The following PPP2R5C variants were observed in gnomAD, a reference collection of about 807,000 sequenced individuals.
PPP2R5C encodes the protein protein phosphatase 2 regulatory subunit B'gamma, also known as serine/threonine-protein phosphatase 2A 56 kDa regulatory subunit gamma isoform.
Under a neutral mutation model 68.9 loss-of-function variants are expected in PPP2R5C, and 7 were observed. The observed-to-expected ratio is 0.10, with a 90% CI of 0.06 to 0.19. The LOEUF (loss-of-function observed/expected upper bound fraction) is 0.19. PPP2R5C is among the 10% of genes least tolerant of loss of function. PPP2R5C has a pLI of 1.00. For missense variants in PPP2R5C, 348 were observed against 641.3 expected, an observed-to-expected ratio of 0.54 and a Z score of 4.94; for synonymous variants, 210 against 222.2, an observed-to-expected ratio of 0.95 and a Z score of 0.49.
chr14:101,897,565 C>T (rs2045417858), intron 8 of PPP2R5C, among the ~76,000 whole-genome samples: 1 of 152,058 alleles, frequency 6.6e-6, no homozygotes, highest in Non-Finnish European at 1.5e-5. Flanking sequence ...AAGATGCAGG[C>T]TGGGAGGCTA....
rs2041041079 is a variant in PPP2R5C, at chr14:101,835,705, TC to T, written c.95-20978del. Among the ~76,000 whole-genome samples the T allele has an allele frequency of 6.6e-6, 1 of 152,242 alleles. No individual in the cohort carries two copies. Among genetic ancestry groups the T allele is most frequent in the Admixed American group, 6.5e-5 (1 of 15,294 alleles). ...AGCAGGAACGGTGAGACCACTCTTC[TC>T]CCTGTAAGGGACCAGTAGCATGTGT... On this transcript the variant is annotated intron_variant, in intron 1 of 13. Transcript: ENST00000334743. The surrounding 1 kb of genome is among the most constrained non-coding windows in gnomAD (Gnocchi z 5.0).
intron 1 of PPP2R5C, chr14:101,819,216 G>C (rs2039899960): frequency 1.3e-6 from 1 of 756,408 alleles, no homozygotes; most frequent in Non-Finnish European, 2.2e-6. Flanking sequence ...TTCTCAAAGG[G>C]GGGTAGCACT....
chr14:101,839,126 G>A (rs1230061157), intron 1 of PPP2R5C: 1 of 151,626 alleles, frequency 6.6e-6, no homozygotes, highest in African/African-American at 2.4e-5. Flanking sequence ...TGAGGCAGGT[G>A]GATCATCTGA....
intron 10 of PPP2R5C, among the ~76,000 whole-genome samples, chr14:101,908,842 G>A (rs1291798787): frequency 6.6e-6 from 1 of 152,188 alleles, no homozygotes; most frequent in East Asian, 1.9e-4. Context: ...TGTTTTCTAA[G>A]TACAACTTGG....
intron 13 of PPP2R5C, chr14:101,922,166 T>C: frequency 1.0e-6 from 1 of 985,350 alleles, no homozygotes; most frequent in Non-Finnish European, 1.2e-6. Flanking sequence ...TCATTCCAGA[T>C]TGTGATGGTC....
chr14:101,908,681 ATT>A (rs200955650), intron 10 of PPP2R5C, among the ~76,000 whole-genome samples: 1 of 145,208 alleles, frequency 6.9e-6, no homozygotes. Context: ...GCTTGCATTG[ATT>A]TTTTTTTTTT....
chr14:101,828,699 A>G (rs1056374079), intron 1 of PPP2R5C, among the ~76,000 whole-genome samples: 2 of 139,988 alleles, frequency 1.4e-5, no homozygotes, highest in Non-Finnish European at 3.1e-5. Flanking sequence ...TTTTTTTTAG[A>G]CAGTGTCTCA....
In PPP2R5C at chr14:101,918,885, G is replaced by A. The variant is rs553558121; in HGVS notation, c.1443+938G>A. 1.5e-3 allele frequency among the ~76,000 whole-genome samples: 227 copies of A among 151,304 alleles called. 1 individual carries two copies. Among genetic ancestry groups the A allele is most frequent in the Admixed American group, 5.6e-3 (85 of 15,178 alleles). On this transcript the variant is annotated intron_variant, in intron 13 of 13. Coordinates refer to ENST00000334743, the Ensembl canonical transcript of PPP2R5C. ...TAGTCCCAAATGGCCTGGGGACATT[G>A]GCCTTTCTCACTGAGAAACTTTAAC... is the stretch of plus-strand genomic sequence containing the variant.
upstream of PPP2R5C, among the ~76,000 whole-genome samples, chr14:101,761,222 G>C (rs888202386): frequency 3.0e-4 from 45 of 152,340 alleles, no homozygotes; most frequent in Non-Finnish European, 5.6e-4. Flanking sequence ...GGCGGTGAGG[G>C]GGCAAGGCCA....
chr14:101,869,592 A>G (rs1036652537), intron 2 of PPP2R5C, among the ~76,000 whole-genome samples: 2 of 152,166 alleles, frequency 1.3e-5, no homozygotes, highest in African/African-American at 2.4e-5. Flanking sequence ...ATTTGGTGTC[A>G]TCAGTCCTTT....
intron 11 of PPP2R5C, among the ~76,000 whole-genome samples, chr14:101,909,912 T>C (rs565751919): frequency 7.2e-4 from 109 of 152,344 alleles, no homozygotes; most frequent in Non-Finnish European, 1.2e-3. Context: ...AGATTAATCA[T>C]CTTTGCAAAA....
rs551526968 is a variant in PPP2R5C, at chr14:101,888,980, C to G, written c.630-1257C>G. Among the ~76,000 whole-genome samples the G allele has an allele frequency of 2.5e-4, 38 of 151,998 alleles. No homozygotes were observed. Among genetic ancestry groups the G allele is most frequent in the African/African-American group, 8.5e-4 (35 of 41,416 alleles). On this transcript the variant is annotated intron_variant, in intron 5 of 13. Coordinates refer to ENST00000334743, the Ensembl canonical transcript of PPP2R5C. The surrounding 1 kb of genome is among the most constrained non-coding windows in gnomAD (Gnocchi z 5.6). ...GGCACAGACCTTTGTTCCAGCCAAA[C>G]GAGTTCTTCTCCCTCTCCACACTGC...
chr14:101,868,200 A>T (rs986153156), intron 2 of PPP2R5C, among the ~76,000 whole-genome samples: 20 of 152,238 alleles, frequency 1.3e-4, no homozygotes, highest in Admixed American at 3.9e-4. Flanking sequence ...AGTCAAATTT[A>T]TTTCAAGTGA....
At chr14:101,780,938 C>G (rs1229755051) in intron 2 of PPP2R5C, among the ~76,000 whole-genome samples, 1 of 152,150 alleles carries the variant, frequency 6.6e-6, no homozygotes, top group Admixed American at 6.5e-5. Flanking sequence ...GGCTGCAGCA[C>G]TGACTGGGTG....
intron 2 of PPP2R5C, among the ~76,000 whole-genome samples, chr14:101,778,585 G>A (rs1165135744): frequency 1.3e-5 from 2 of 152,042 alleles, no homozygotes; most frequent in Non-Finnish European, 2.9e-5. Flanking sequence ...TTTTCCTGTG[G>A]TGTGAGGGGG....
chr14:101,834,435 G>A (rs1050140046), intron 1 of PPP2R5C, among the ~76,000 whole-genome samples: 3 of 152,212 alleles, frequency 2.0e-5, no homozygotes, highest in Non-Finnish European at 2.9e-5. Flanking sequence ...GTCTCAGTAC[G>A]GCTGCTGAGG....
chr14:101,764,128 A>G (rs1398804282), intron 2 of PPP2R5C, among the ~76,000 whole-genome samples: 3 of 152,132 alleles, frequency 2.0e-5, no homozygotes, highest in African/African-American at 4.8e-5. Context: ...CATTGCATCT[A>G]CTTGACCAAG....
chr14:101,767,781 G>A (rs1282812053), intron 2 of PPP2R5C, among the ~76,000 whole-genome samples: 1 of 152,182 alleles, frequency 6.6e-6, no homozygotes, highest in Non-Finnish European at 1.5e-5. Context: ...GGTTCTGCGG[G>A]GAGGATCCAT....
intron 1 of PPP2R5C, chr14:101,836,519 C>T: frequency 1.7e-6 from 1 of 582,804 alleles, no homozygotes; most frequent in Non-Finnish European, 3.1e-6. Context: ...AGTTCTTTTT[C>T]AAAATATTGT....
Sources: allele counts gnomAD v4.1 joint callset (sites outside exome capture counted in the v4.1 genomes callset), GRCh38; gene constraint gnomAD v4.1.1; non-coding constraint Gnocchi (gnomAD v3.1); transcripts MANE v1.5; gene names NCBI Gene and HGNC (gene_info 2026-07-23, HGNC 2026-07-21).